Variants in PTPRQ observed in about 807,000 individuals in gnomAD.
PTPRQ encodes phosphatidylinositol phosphatase PTPRQ.
In PTPRQ, 199 loss-of-function variants were observed where a neutral mutation model predicts 246.0. The observed-to-expected ratio is 0.81, with a 90% CI of 0.72 to 0.91. The LOEUF (loss-of-function observed/expected upper bound fraction) is 0.91, where lower values mean the gene tolerates loss of function less well. Among genes scored for constraint, PTPRQ ranks in the 40% least tolerant of loss-of-function variants. PTPRQ has a pLI of 0.00. For missense variants in PTPRQ, 2,624 were observed against 2,528.4 expected, an observed-to-expected ratio of 1.04 and a Z score of -0.81; for synonymous variants, 869 against 853.2, an observed-to-expected ratio of 1.02 and a Z score of -0.32.
At chr12:80,646,970 T>A (rs2121215760) in intron 35 of PTPRQ, among the ~76,000 whole-genome samples, 1 of 152,306 alleles carries the variant, frequency 6.6e-6, no homozygotes, top group East Asian at 1.9e-4. Flanking sequence ...TCTTGCTCAC[T>A]TTTCTTTAAT....
intron 26 of PTPRQ, among the ~76,000 whole-genome samples, chr12:80,604,325 A>G (rs1351143147): frequency 6.6e-6 from 1 of 151,590 alleles, no homozygotes. Context: ...GCATACTATT[A>G]TCTCTCCTAA....
In PTPRQ at chr12:80,522,811, C is replaced by T. The variant is rs955175048; in HGVS notation, c.2679-11204C>T. Among the ~76,000 whole-genome samples, 7 of 151,876 alleles carry T rather than the reference C, an allele frequency of 4.6e-5. No individual in the cohort carries two copies. The South Asian group carries it at 1.5e-3, about 32-fold the overall frequency. ...TGCATTGATATTCATCAGGGATATTCATGTAAAATTCTCTTTTTTTGTTGT... is the reference window on the plus strand; with the variant it reads ...TGCATTGATATTCATCAGGGATATTTATGTAAAATTCTCTTTTTTTGTTGT... On this transcript the variant is annotated intron_variant, in intron 17 of 44. Coordinates refer to ENST00000644991, the MANE Select transcript of PTPRQ (RefSeq NM_001145026.2).
chr12:80,643,794 A>G (rs985873591), intron 35 of PTPRQ, among the ~76,000 whole-genome samples: 6 of 152,322 alleles, frequency 3.9e-5, no homozygotes, highest in African/African-American at 1.4e-4. Context: ...TATAAACTAA[A>G]AACTCACACT....
intron 17 of PTPRQ, among the ~76,000 whole-genome samples, chr12:80,533,077 A>C (rs1420594424): frequency 6.6e-6 from 1 of 152,202 alleles, no homozygotes. Flanking sequence ...ATGAGATTAC[A>C]TGAGACATAT....
intron 9 of PTPRQ, among the ~76,000 whole-genome samples, chr12:80,485,832 T>C (rs1894255690): frequency 6.6e-6 from 1 of 152,156 alleles, no homozygotes; most frequent in Admixed American, 6.5e-5. Flanking sequence ...ATCTGTTGAA[T>C]GGGTGGCCAC....
At chr12:80,610,795 T>C (rs773907461) in intron 28 of PTPRQ, among the ~76,000 whole-genome samples, 170 bp downstream of exon 28, 3 of 150,488 alleles carry the variant, frequency 2.0e-5, no homozygotes, top group Non-Finnish European at 4.5e-5. Context: ...TTTCTATTTA[T>C]ATTTTTGAGG....
intron 35 of PTPRQ, among the ~76,000 whole-genome samples, chr12:80,648,385 AAG>A (rs1478491340): frequency 6.6e-6 from 1 of 152,142 alleles, no homozygotes; most frequent in African/African-American, 2.4e-5. Context: ...TCTGTCACAA[AAG>A]ATAGGTCTAA....
intron 35 of PTPRQ, among the ~76,000 whole-genome samples, chr12:80,635,785 T>G (rs898761659): frequency 6.6e-6 from 1 of 152,176 alleles, no homozygotes; most frequent in Non-Finnish European, 1.5e-5. Flanking sequence ...TAATGAAAAC[T>G]ACCATCAGGC....
chr12:80,531,203 A>G (rs1473933331), intron 17 of PTPRQ, among the ~76,000 whole-genome samples: 1 of 152,146 alleles, frequency 6.6e-6, no homozygotes, highest in Non-Finnish European at 1.5e-5. Context: ...GAATGACTAA[A>G]TAACTATGAT....
chr12:80,463,187 T>C (rs897631535), intron 6 of PTPRQ, among the ~76,000 whole-genome samples: 2 of 152,124 alleles, frequency 1.3e-5, no homozygotes, highest in Non-Finnish European at 2.9e-5. Flanking sequence ...CTGATGGAGC[T>C]GAAAGCCAAG....
intron 26 of PTPRQ, among the ~76,000 whole-genome samples, chr12:80,589,731 T>C (rs1337038018): frequency 1.3e-5 from 2 of 152,342 alleles, no homozygotes; most frequent in Non-Finnish European, 2.9e-5. Context: ...TTTGACACAA[T>C]TGTCCAACCT....
rs183744229 is a variant in PTPRQ at position 80,649,389 on chromosome 12, C to T, written c.5943-199C>T. Among the ~76,000 whole-genome samples, 514 of 152,000 alleles carry T rather than the reference C, an allele frequency of 3.4e-3. 1 individual carries two copies. The highest frequency in any genetic ancestry group is 0.012 in the African/African-American group (493 of 41,480). On this transcript the variant is annotated intron_variant, in intron 36 of 44. Transcript: ENST00000644991. ...CTAAAAAATTGAAGGAATTTTGTGC[C>T]ATGAATACAAAGAAAGTGAGCTTAA...
At chr12:80,564,159 G>T (rs561894152) in intron 25 of PTPRQ, among the ~76,000 whole-genome samples, 56 of 152,166 alleles carry the variant, frequency 3.7e-4, no homozygotes, top group African/African-American at 1.2e-3. Flanking sequence ...AGTTACATAT[G>T]TATACATGTG....
chr12:80,543,337 AT>A (rs11434400), intron 23 of PTPRQ, among the ~76,000 whole-genome samples: 1 of 149,058 alleles, frequency 6.7e-6, no homozygotes, highest in African/African-American at 2.5e-5. Context: ...ATATATCCTT[AT>A]TTTTTTTTTA....
chr12:80,622,798 A>T (rs1592728147), intron 33 of PTPRQ, among the ~76,000 whole-genome samples: 1 of 152,064 alleles, frequency 6.6e-6, no homozygotes, highest in East Asian at 1.9e-4. Flanking sequence ...AAATATTGAT[A>T]AGAGTATCAT....
chr12:80,593,873 A>T (rs1346383590), intron 26 of PTPRQ, among the ~76,000 whole-genome samples: 6 of 152,038 alleles, frequency 3.9e-5, no homozygotes, highest in Non-Finnish European at 8.8e-5. Context: ...ATTAGTATGA[A>T]ATGGAATGGG....
intron 8 of PTPRQ, among the ~76,000 whole-genome samples, chr12:80,480,620 C>A (rs376621463): frequency 6.6e-6 from 1 of 151,694 alleles, no homozygotes; most frequent in East Asian, 2.0e-4. Context: ...AATACATAGA[C>A]CACTAGCAAG....
intron 24 of PTPRQ, among the ~76,000 whole-genome samples, chr12:80,547,674 A>T (rs1400771018): frequency 6.6e-6 from 1 of 152,180 alleles, no homozygotes; most frequent in Admixed American, 6.5e-5. Flanking sequence ...AATCTTGGCA[A>T]AGGCTCATGA....
At chr12:80,657,961 T>C (rs1225910081) in intron 38 of PTPRQ, 24 bp from the exon 39 acceptor site, 1 of 1,372,610 alleles carries the variant, frequency 7.3e-7, no homozygotes, top group Non-Finnish European at 9.5e-7. Flanking sequence ...CCAATTAACA[T>C]TGATTCCTTA....
Sources: gnomAD v4.1 joint callset for allele counts (sites outside exome capture counted in the v4.1 genomes callset) on GRCh38, gnomAD v4.1.1 for gene constraint, MANE v1.5 for transcripts, NCBI Gene and HGNC (gene_info 2026-07-23, HGNC 2026-07-21) for gene names.